NRP2: variants seen among roughly 807,000 people sequenced by gnomAD.
NRP2 encodes the protein neuropilin-2.
Under a neutral mutation model 110.4 loss-of-function variants are expected in NRP2, and 52 were observed. The ratio of observed to expected loss-of-function variants is 0.47; its 90% CI spans 0.38 to 0.59. The LOEUF (loss-of-function observed/expected upper bound fraction) is 0.59, where lower values mean the gene tolerates loss of function less well. Among genes scored for constraint, NRP2 ranks in the 20% least tolerant of loss-of-function variants. The pLI, the probability that NRP2 is intolerant of heterozygous loss-of-function variation, is 0.00. For synonymous variants in NRP2, 508 were observed against 468.9 expected, an observed-to-expected ratio of 1.08 and a Z score of -1.08; for missense variants, 1,049 against 1,203.0, an observed-to-expected ratio of 0.87 and a Z score of 1.89.
chr2:205,713,755 C>A (rs947300280), intron 2 of NRP2, among the ~76,000 whole-genome samples: 2 of 152,180 alleles, frequency 1.3e-5, no homozygotes, highest in Non-Finnish European at 2.9e-5. Context: ...CCTCCCTCTA[C>A]GGTTGGGCTT....
chr2:205,794,878 G>T lies in NRP2; in HGVS notation c.2601G>T (p.Met867Ile). 1 of 1,614,156 alleles carries T rather than the reference G, an allele frequency of 6.2e-7. No homozygotes were observed. The highest frequency in any genetic ancestry group is 1.1e-5 in the South Asian group (1 of 91,084). ...CCATCCTCATCACCATCATCGCCAT[G>T]AGCTCACTGGGCGTCCTCCTGGGGG... is the stretch of plus-strand genomic sequence containing the variant. ...LDPILITIIA[M>I]SSLGVLLGAT... The change falls in exon 17 of 17, where the codon ATG becomes ATT. Residue 867 changes from methionine to isoleucine, a missense_variant. Met to Ile is a conservative substitution (Grantham distance 10). Coordinates refer to ENST00000357785, the MANE Select transcript of NRP2 (RefSeq NM_003872.3).
At chr2:205,740,777 C>A in intron 8 of NRP2, 114 bp downstream of exon 8, 2 of 1,142,540 alleles carry the variant, frequency 1.8e-6, no homozygotes, top group Non-Finnish European at 2.5e-6. Context: ...GAAAGACTGG[C>A]TCAAGGACTC....
At chr2:205,684,670 T>C (rs2056102581) in intron 1 of NRP2, among the ~76,000 whole-genome samples, 1 of 152,192 alleles carries the variant, frequency 6.6e-6, no homozygotes, top group Admixed American at 6.5e-5. Context: ...AGCTCTTTCT[T>C]TGCCATAAGT....
chr2:205,776,463 C>T (rs2058101284), intron 15 of NRP2: 2 of 1,612,382 alleles, frequency 1.2e-6, no homozygotes, highest in Admixed American at 3.3e-5. Context: ...CCAACGGGGC[C>T]CCTCTGGCGG....
chr2:205,716,148 A>G (rs370588471), intron 2 of NRP2, 45 bp from the exon 3 acceptor site: 3 of 1,598,806 alleles, frequency 1.9e-6, no homozygotes, highest in African/African-American at 2.7e-5. Flanking sequence ...GGTCCTTCTC[A>G]TGTCCTTCGA....
At chr2:205,735,278 A>T (rs2057322895) in intron 7 of NRP2, among the ~76,000 whole-genome samples, 2 of 152,052 alleles carry the variant, frequency 1.3e-5, no homozygotes, top group African/African-American at 4.8e-5. Flanking sequence ...GAAGGCTGCA[A>T]AGCTCACTGT....
In NRP2 at chr2:205,725,807, A is replaced by G. The variant is rs1418138779; in HGVS notation, c.821-106A>G. On this transcript the variant is annotated intron_variant, in intron 5 of 16. Transcript: ENST00000357785. This position sits in a 1 kb window ranked among gnomAD's most constrained non-coding sequence, Gnocchi z 4.1. The stretch of plus-strand genomic sequence containing the variant: ...GCATATAATTAGGGTCTTTTAAATG[A>G]GGAAGTGCCTGCAAGGACTTGTCCC... 9.0e-7 allele frequency: 1 copy of G among 1,114,698 alleles called. No individual in the cohort carries two copies. Among genetic ancestry groups the G allele is most frequent in the Non-Finnish European group, 1.4e-6 (1 of 730,606 alleles). The allele number at this position is 1,114,698 out of a possible 1,614,324, so 69.1% of individuals were successfully genotyped here.
chr2:205,779,530 C>A (rs2058150033), intron 15 of NRP2: 1 of 152,146 alleles, frequency 6.6e-6, no homozygotes, highest in South Asian at 2.1e-4. Context: ...CGAAAATTAC[C>A]AAAGAACAAC....
intron 15 of NRP2, among the ~76,000 whole-genome samples, chr2:205,784,633 C>T (rs1227504180): frequency 2.0e-5 from 3 of 152,210 alleles, no homozygotes; most frequent in East Asian, 3.9e-4. Context: ...TCTGGCTCTG[C>T]ACCTCCTGAT....
chr2:205,749,279 C>A (rs751443182), intron 10 of NRP2, among the ~76,000 whole-genome samples: 8 of 152,190 alleles, frequency 5.3e-5, no homozygotes, highest in Non-Finnish European at 1.0e-4. Flanking sequence ...CTTGAACTTG[C>A]CACACCCTGA....
intron 1 of NRP2, among the ~76,000 whole-genome samples, chr2:205,687,660 C>T (rs1314460486): frequency 6.6e-6 from 1 of 152,212 alleles, no homozygotes; most frequent in Admixed American, 6.5e-5. Context: ...CTACGGAGCA[C>T]TCAACTGGCA....
At chr2:205,776,600 T>C (rs2105948178) in intron 15 of NRP2, 2 of 1,598,718 alleles carry the variant, frequency 1.3e-6, no homozygotes, top group Non-Finnish European at 8.5e-7. Flanking sequence ...TGCACTTTTT[T>C]CTCCTCGCCT....
intron 1 of NRP2, among the ~76,000 whole-genome samples, chr2:205,690,154 G>T (rs1156867058): frequency 2.0e-5 from 3 of 152,136 alleles, no homozygotes; most frequent in East Asian, 3.9e-4. Context: ...CAAATTACTA[G>T]ACCGAATGCT....
At chr2:205,699,389 T>C (rs555691291) in intron 2 of NRP2, among the ~76,000 whole-genome samples, 1 of 152,306 alleles carries the variant, frequency 6.6e-6, no homozygotes, top group African/African-American at 2.4e-5. Flanking sequence ...CTCAGAGAAA[T>C]TTGACTAAGC....
intron 3 of NRP2, chr2:205,722,267 T>A: frequency 1.8e-6 from 1 of 560,832 alleles, no homozygotes; most frequent in Non-Finnish European, 3.2e-6. Context: ...CTCACTCTAA[T>A]AATTATGTAG....
intron 12 of NRP2, among the ~76,000 whole-genome samples, chr2:205,761,160 G>A (rs1575644027): frequency 6.6e-6 from 1 of 152,204 alleles, no homozygotes; most frequent in Non-Finnish European, 1.5e-5. Context: ...GGGATTATGA[G>A]AAGCTAGCTG....
chr2:205,755,704 A>T (rs112771690), intron 12 of NRP2, among the ~76,000 whole-genome samples: 321 of 152,090 alleles, frequency 2.1e-3, no homozygotes, highest in African/African-American at 7.0e-3. Context: ...ATGGGTTCAG[A>T]GCGGCTGGCG....
Position 205,700,404 on chromosome 2 carries a change from G to C in NRP2, c.251+2683G>C, listed in dbSNP as rs1038825558. 3.3e-5 allele frequency among the ~76,000 whole-genome samples: 5 copies of C among 152,340 alleles called. No homozygotes were observed. In the East Asian group the frequency reaches 9.7e-4, roughly 29 times the overall value. On this transcript the variant is annotated intron_variant, in intron 2 of 16. Transcript: ENST00000357785. ...CACAGCAGCAATGCCCCAGCAAAAA[G>C]GGGAACTGAGCAAGAAAGTCAGGAG...
At chr2:205,683,437 C>A in intron 1 of NRP2, 74 bp downstream of exon 1, 1 of 1,044,316 alleles carries the variant, frequency 9.6e-7, no homozygotes, top group Non-Finnish European at 1.5e-6. Flanking sequence ...AGCAGGAAGG[C>A]CACGCAGAAC....
Sources: allele counts gnomAD v4.1 joint callset (sites outside exome capture counted in the v4.1 genomes callset), GRCh38; gene constraint gnomAD v4.1.1; non-coding constraint Gnocchi (gnomAD v3.1); transcripts MANE v1.5; gene names NCBI Gene and HGNC (gene_info 2026-07-23, HGNC 2026-07-21).